Variants in ABCA6 observed in about 807,000 individuals in gnomAD.
ABCA6 encodes the protein ATP-binding cassette sub-family A member 6.
In ABCA6, 164 loss-of-function variants were observed where a neutral mutation model predicts 191.2. The observed-to-expected ratio is 0.86, with a 90% confidence interval of 0.76 to 0.98. ABCA6 has a LOEUF of 0.98. Among genes scored for constraint, ABCA6 ranks in the 50% least tolerant of loss-of-function variants. ABCA6 has a pLI of 0.00. For missense variants in ABCA6, 1,958 were observed against 1,894.1 expected (o/e 1.03, Z -0.63); for synonymous variants, 636 against 647.7 (o/e 0.98, Z 0.27).
At chr17:69,082,587 G>A (rs1303220779) in intron 36 of ABCA6, among the ~76,000 whole-genome samples, 1 of 152,104 alleles carries the variant, frequency 6.6e-6, no homozygotes, top group Non-Finnish European at 1.5e-5. Flanking sequence ...GTCCTGTGTG[G>A]GTTTGAGTCA....
intron 6 of ABCA6, among the ~76,000 whole-genome samples, chr17:69,130,731 A>G (rs1319174259): frequency 3.9e-5 from 6 of 152,210 alleles, no homozygotes; most frequent in Non-Finnish European, 8.8e-5. Context: ...ATTGGAAGCA[A>G]CTTAAAAGCC....
At chr17:69,106,403 G>C (rs2073305344) in intron 18 of ABCA6, among the ~76,000 whole-genome samples, 192 bp from the exon 19 acceptor site, 1 of 151,938 alleles carries the variant, frequency 6.6e-6, no homozygotes, top group African/African-American at 2.4e-5. Context: ...GACCAACCTG[G>C]CCAACATGGC....
chr17:69,084,290 G>A lies in ABCA6; in HGVS notation c.4326C>T (p.Gly1442=). ...PVLLLDEPST[G]IDPTGQQQMW... is the part of the protein sequence containing the mutation. ...TTTGCTGCTGCCCTGTGGGGTCTAT[G>A]CCCGTAGATGGTTCATCCAGGAGCA... Residue 1442 remains glycine, a synonymous_variant, in exon 34 of 39, where the codon GGC becomes GGT. Transcript: ENST00000284425. 1 of 1,614,116 alleles carries A rather than the reference G, an allele frequency of 6.2e-7. No homozygotes were observed. Among genetic ancestry groups the A allele is most frequent in the Non-Finnish European group, 8.5e-7 (1 of 1,180,018 alleles).
intron 6 of ABCA6, among the ~76,000 whole-genome samples, chr17:69,132,010 A>C (rs982925776): frequency 1.3e-5 from 2 of 151,838 alleles, no homozygotes; most frequent in Non-Finnish European, 2.9e-5. Flanking sequence ...CACTGCAAAA[A>C]CTTCTTCTCT....
At chr17:69,101,026 GCTTGTTGTGTGTCCAT>G in intron 21 of ABCA6, 92 bp from the exon 22 acceptor site, 1 of 1,078,440 alleles carries the variant, frequency 9.3e-7, no homozygotes, top group Non-Finnish European at 1.3e-6. Context: ...AGTGCCACAT[GCTTGTTGTGTGTCCAT>G]CTTCAAGTGA....
At chr17:69,121,277 T>A (rs533718842) in intron 10 of ABCA6, among the ~76,000 whole-genome samples, 29 of 152,160 alleles carry the variant, frequency 1.9e-4, no homozygotes, top group African/African-American at 6.0e-4. Context: ...GCATATACTG[T>A]TGGATGGTCA....
In ABCA6 at chr17:69,096,728, T is replaced by G. The variant is rs143150829; in HGVS notation, c.3194A>C (p.Asp1065Ala). ...SAYWCGQALV[D>A]VSFFILILLL... ...GAGAATTAAAATGAAGAAGCTGACG[T>G]CCACTAGTGCCTGCCCACACCAGTA... Residue 1065 changes from aspartate (D) to alanine (A), a missense_variant, in exon 24 of 39, where the codon GAC (aspartate) becomes GCC (alanine). Asp to Ala is a moderately radical substitution (Grantham distance 126, BLOSUM62 -2). Transcript: ENST00000284425. The G allele has an allele frequency of 3.8e-6, 6 of 1,591,536 alleles. No individual in the cohort carries two copies. Among genetic ancestry groups the G allele is most frequent in the Non-Finnish European group, 5.1e-6 (6 of 1,171,108 alleles).
In ABCA6 at chr17:69,124,905, A is replaced by C; in HGVS notation, c.1250T>G (p.Phe417Cys). ...GLIYLLLALY[F>C]DKILPYGDER... The stretch of plus-strand genomic sequence containing the variant: ...TTACTTACAGGGTAAAATTTTGTCA[A>C]AGTATAATGCCAATAGCAAGTAGAT... The change falls in exon 9 of 39, where the codon TTT (phenylalanine) becomes TGT (cysteine). Residue 417 changes from phenylalanine to cysteine, a missense_variant. By Grantham distance (205) the Phe-to-Cys change is radical (BLOSUM62 -2). Coordinates refer to ENST00000284425, the MANE Select transcript of ABCA6 (RefSeq NM_080284.3). 1 of 1,564,648 alleles carries C rather than the reference A, an allele frequency of 6.4e-7. No homozygotes were observed. The highest frequency in any genetic ancestry group is 8.6e-7 in the Non-Finnish European group (1 of 1,157,514).
chr17:69,138,460 C>T (rs2144727043), intron 2 of ABCA6, among the ~76,000 whole-genome samples: 1 of 152,194 alleles, frequency 6.6e-6, no homozygotes, highest in East Asian at 1.9e-4. Context: ...CATGATTTGG[C>T]TCAGAACATT....
At chr17:69,129,463 CT>C (rs2073820142) in intron 7 of ABCA6, 146 bp downstream of exon 7, 1 of 609,052 alleles carries the variant, frequency 1.6e-6, no homozygotes, top group Non-Finnish European at 2.7e-6. Flanking sequence ...TCCATAGAAA[CT>C]ATTTCAAGTA....
At chr17:69,103,394 T>C (rs1421625069) in intron 20 of ABCA6, among the ~76,000 whole-genome samples, 4 of 152,204 alleles carry the variant, frequency 2.6e-5, no homozygotes, top group Non-Finnish European at 5.9e-5. Flanking sequence ...AATATATATG[T>C]GTCTGTATAA....
intron 10 of ABCA6, among the ~76,000 whole-genome samples, chr17:69,119,272 C>T (rs946449228): frequency 3.9e-5 from 6 of 152,054 alleles, no homozygotes; most frequent in East Asian, 3.9e-4. Flanking sequence ...TTCCCCATCA[C>T]GCAGGATCTT....
intron 15 of ABCA6, 106 bp from the exon 16 acceptor site, chr17:69,112,379 C>T: frequency 1.3e-6 from 1 of 796,796 alleles, no homozygotes; most frequent in Non-Finnish European, 2.1e-6. Context: ...GAGAAGTATT[C>T]AACAGGGTAT....
chr17:69,102,742 G>T, intron 21 of ABCA6, 93 bp downstream of exon 21: 1 of 1,240,676 alleles, frequency 8.1e-7, no homozygotes, highest in Non-Finnish European at 1.1e-6. Flanking sequence ...TCTGAGTCAA[G>T]TTTCTGTATA....
At chr17:69,095,626 G>C (rs913093317) in intron 25 of ABCA6, 1 of 152,160 alleles carries the variant, frequency 6.6e-6, no homozygotes, top group African/African-American at 2.4e-5. Flanking sequence ...TCTTTGGTTG[G>C]GTTCTTCTCA....
chr17:69,090,625 C>T (rs1226104545), intron 26 of ABCA6, among the ~76,000 whole-genome samples: 2 of 152,144 alleles, frequency 1.3e-5, no homozygotes, highest in African/African-American at 4.8e-5. Flanking sequence ...TTTGCCTCCA[C>T]TAAGCTTTGG....
At chr17:69,092,692 A>G (rs1421213913) in intron 25 of ABCA6, among the ~76,000 whole-genome samples, 1 of 152,150 alleles carries the variant, frequency 6.6e-6, no homozygotes, top group Non-Finnish European at 1.5e-5. Context: ...CTGTGGCTTC[A>G]CTCAATGATG....
In ABCA6 at chr17:69,129,659, G is replaced by A; in HGVS notation, c.884C>T (p.Thr295Ile). ...GAGTATAAATATGACCATGAAGCCA[G>A]TCATGACTATAATTTGGGTGAATGT... ...IITFTQIIVM[T>I]GFMVIFILFF... is the part of the protein sequence containing the mutation. The change falls in exon 7 of 39, where the codon ACT becomes ATT. Residue 295 changes from threonine (T) to isoleucine (I), a missense_variant. Coordinates refer to ENST00000284425, the MANE Select transcript of ABCA6 (RefSeq NM_080284.3). 6.2e-7 allele frequency: 1 copy of A among 1,604,150 alleles called. No homozygotes were observed.
Position 69,133,775 on chromosome 17 carries a change from G to T in ABCA6, c.657C>A (p.His219Gln), listed in dbSNP as rs780895079. The T allele has an allele frequency of 5.0e-6, 8 of 1,611,704 alleles. No individual in the cohort carries two copies. The highest frequency in any genetic ancestry group is 1.3e-5 in the African/African-American group (1 of 74,844). Residue 219 changes from histidine (H) to glutamine (Q), a missense_variant, in exon 6 of 39, where the codon CAC becomes CAA. By Grantham distance (24) the His-to-Gln change is conservative. Transcript: ENST00000284425. Reference protein sequence around the residue: ...TLPFITKNLLHNEMFILFFLL... With the variant: ...TLPFITKNLLQNEMFILFFLL... The stretch of plus-strand genomic sequence containing the variant: ...AGAAGAATAAAATAAACATCTCATT[G>T]TGAAGAAGATTTTTAGTTATGAAAG...
Sources: gnomAD v4.1 joint callset for allele counts (sites outside exome capture counted in the v4.1 genomes callset) on GRCh38, gnomAD v4.1.1 for gene constraint, MANE v1.5 for transcripts, NCBI Gene and HGNC (gene_info 2026-07-23, HGNC 2026-07-21) for gene names.